SPIRE1: variants seen among roughly 807,000 people sequenced by gnomAD.
SPIRE1 encodes spire type actin nucleation factor 1.
A neutral mutation model predicts 94.1 loss-of-function variants in SPIRE1; 40 were observed. That is an observed-to-expected ratio of 0.43 (90% CI 0.33 to 0.55). The LOEUF is 0.55. Ranked by LOEUF, SPIRE1 falls within the 20% of genes least tolerant of loss-of-function variation. The probability of loss-of-function intolerance (pLI) is 0.06; values close to 1 mark genes in which losing one functional copy is unlikely to be tolerated. For synonymous variants in SPIRE1, 376 were observed against 371.7 expected (o/e 1.01, Z -0.13); for missense variants, 838 against 975.2 (o/e 0.86, Z 1.87).
At chr18:12,496,179 C>CAAATATG in intron 6 of SPIRE1, 77 bp from the exon 7 acceptor site, 1 of 943,248 alleles carries the variant, frequency 1.1e-6, no homozygotes, top group South Asian at 1.4e-5. Context: ...GCTGTTATCT[C>CAAATATG]AAATATGCCA....
At chr18:12,496,861 T>G (rs2033478284) in intron 6 of SPIRE1, among the ~76,000 whole-genome samples, 1 of 151,468 alleles carries the variant, frequency 6.6e-6, no homozygotes, top group African/African-American at 2.4e-5. Flanking sequence ...AAAGCAAGAC[T>G]CCGTCTCAAA....
intron 12 of SPIRE1, among the ~76,000 whole-genome samples, chr18:12,462,181 G>A (rs1350602962): frequency 2.0e-5 from 3 of 152,050 alleles, no homozygotes; most frequent in African/African-American, 7.2e-5. Flanking sequence ...GCACTGTTTT[G>A]GCATAGAGAT....
chr18:12,617,705 C>G (rs943602912), intron 2 of SPIRE1, among the ~76,000 whole-genome samples: 5 of 152,012 alleles, frequency 3.3e-5, no homozygotes, highest in African/African-American at 1.2e-4. Flanking sequence ...CCACCATACC[C>G]GGCCTCCCGG....
intron 2 of SPIRE1, among the ~76,000 whole-genome samples, chr18:12,605,454 T>G (rs1047868741): frequency 8.5e-5 from 13 of 152,134 alleles, no homozygotes; most frequent in Non-Finnish European, 1.6e-4. Context: ...CGCAGTGAGC[T>G]GAGATCCCGC....
At chr18:12,610,475 A>G (rs118052451) in intron 2 of SPIRE1, among the ~76,000 whole-genome samples, 1,971 of 152,280 alleles carry the variant, frequency 0.013, 29 homozygotes, top group South Asian at 0.019. Context: ...TAAGCAGGTT[A>G]AATTCTAAGA....
chr18:12,594,901 T>C (rs1448505526), intron 2 of SPIRE1, among the ~76,000 whole-genome samples: 1 of 152,238 alleles, frequency 6.6e-6, no homozygotes, highest in African/African-American at 2.4e-5. Flanking sequence ...AAGACCATTA[T>C]GATGATCAAT....
Position 12,592,209 on chromosome 18 carries a change from GA to G in SPIRE1, c.372+42852del, listed in dbSNP as rs199963554. 2.8e-3 allele frequency among the ~76,000 whole-genome samples: 432 copies of G among 151,768 alleles called. 7 individuals carry two copies. The highest frequency in any genetic ancestry group is 0.024 in the Admixed American group (363 of 15,224). On this transcript the variant is annotated intron_variant, in intron 2 of 16. Coordinates refer to ENST00000409402, the MANE Select transcript of SPIRE1 (RefSeq NM_001128626.2). Reference sequence around the variant, plus strand: ...TGGATTTGAGTTTGAGTCTCAAGAAGAAAAAAAGAGTTCACCAGGATTTTCT... The same window carrying G: ...TGGATTTGAGTTTGAGTCTCAAGAAGAAAAAAGAGTTCACCAGGATTTTCT...
chr18:12,499,974 C>T (rs1007880020), intron 6 of SPIRE1, among the ~76,000 whole-genome samples: 1 of 152,148 alleles, frequency 6.6e-6, no homozygotes, highest in Non-Finnish European at 1.5e-5. Context: ...ATGTCCTTTG[C>T]AGCAACATGG....
intron 4 of SPIRE1, among the ~76,000 whole-genome samples, chr18:12,530,865 T>C (rs1301562902): frequency 6.6e-6 from 1 of 152,216 alleles, no homozygotes; most frequent in Admixed American, 6.5e-5. Flanking sequence ...AATATCATTA[T>C]ACCCCTACTA....
chr18:12,511,265 T>C (rs1162527216), intron 5 of SPIRE1, among the ~76,000 whole-genome samples: 2 of 152,226 alleles, frequency 1.3e-5, no homozygotes, highest in African/African-American at 4.8e-5. Context: ...TGTTAGGAAG[T>C]GAGCGGCACA....
In SPIRE1 at chr18:12,498,727, A is replaced by G. The variant is rs897243518; in HGVS notation, c.973-2625T>C. The stretch of plus-strand genomic sequence containing the variant: ...CTGCCGTCTTGACCTCCCAGGCTCA[A>G]GCGATCCCTCCACCTCAGCCTCCTG... On this transcript the variant is annotated intron_variant, in intron 6 of 16. Transcript: ENST00000409402. Among the ~76,000 whole-genome samples, 17 of 152,130 alleles carry G rather than the reference A, an allele frequency of 1.1e-4. 1 individual carries two copies. The highest frequency in any genetic ancestry group is 3.9e-4 in the African/African-American group (16 of 41,410).
intron 2 of SPIRE1, among the ~76,000 whole-genome samples, chr18:12,603,683 T>G (rs1248987371): frequency 6.6e-6 from 1 of 151,904 alleles, no homozygotes; most frequent in Non-Finnish European, 1.5e-5. Context: ...CAAGCAATTC[T>G]ACTGCCTCAG....
intron 12 of SPIRE1, among the ~76,000 whole-genome samples, chr18:12,461,172 A>G (rs535848928): frequency 2.6e-5 from 4 of 152,176 alleles, no homozygotes; most frequent in Admixed American, 1.3e-4. Flanking sequence ...GGGTCAGCTG[A>G]AGGTCTCAGC....
intron 2 of SPIRE1, among the ~76,000 whole-genome samples, chr18:12,575,356 CCT>C (rs1276031064): frequency 6.6e-6 from 1 of 151,674 alleles, no homozygotes; most frequent in Admixed American, 6.6e-5. Context: ...AAAATCTTCC[CCT>C]GAATATTTAT....
At chr18:12,593,787 TAA>T (rs1249186763) in intron 2 of SPIRE1, among the ~76,000 whole-genome samples, 2 of 152,014 alleles carry the variant, frequency 1.3e-5, no homozygotes, top group Non-Finnish European at 2.9e-5. Context: ...CCATCTCTAC[TAA>T]AAATACAAAA....
chr18:12,622,572 A>G lies in SPIRE1; in HGVS notation c.372+12490T>C, dbSNP rs1598546518. ...TGAGTAGCTGGGACTACAGGCACCCACCACCATGCCCGGCTAATTTTTTGT... is the reference window on the plus strand; with the variant it reads ...TGAGTAGCTGGGACTACAGGCACCCGCCACCATGCCCGGCTAATTTTTTGT... On this transcript the variant is annotated intron_variant, in intron 2 of 16. Transcript: ENST00000409402. Among the ~76,000 whole-genome samples the G allele has an allele frequency of 2.0e-5, 3 of 151,610 alleles. 1 individual carries two copies. In the South Asian group the frequency reaches 6.3e-4, roughly 32 times the overall value.
chr18:12,577,765 C>T (rs1463963353), intron 2 of SPIRE1, among the ~76,000 whole-genome samples: 3 of 152,120 alleles, frequency 2.0e-5, no homozygotes, highest in African/African-American at 7.2e-5. Flanking sequence ...AATAAAAAGA[C>T]AAGTCCCATG....
intron 2 of SPIRE1, among the ~76,000 whole-genome samples, chr18:12,557,265 G>A (rs1371766716): frequency 3.3e-5 from 5 of 152,212 alleles, no homozygotes; most frequent in Non-Finnish European, 7.3e-5. Context: ...CAGGGCTCAG[G>A]CATGGCAGGC....
At chr18:12,621,709 A>T (rs1261542454) in intron 2 of SPIRE1, among the ~76,000 whole-genome samples, 1 of 152,220 alleles carries the variant, frequency 6.6e-6, no homozygotes, top group Non-Finnish European at 1.5e-5. Context: ...CTAGGAGGTG[A>T]TAGCTAAAAG....
Sources: gnomAD v4.1 joint callset for allele counts (sites outside exome capture counted in the v4.1 genomes callset) on GRCh38, gnomAD v4.1.1 for gene constraint, MANE v1.5 for transcripts, NCBI Gene and HGNC (gene_info 2026-07-23, HGNC 2026-07-21) for gene names.